B4GALNT3: variants seen among roughly 807,000 people sequenced by gnomAD.
B4GALNT3 encodes the protein beta-1,4-N-acetylgalactosaminyltransferase 3.
In B4GALNT3, 86 loss-of-function variants were observed where a neutral mutation model predicts 120.2. The ratio of observed to expected loss-of-function variants is 0.72; its 90% CI spans 0.60 to 0.86. The LOEUF (loss-of-function observed/expected upper bound fraction) is 0.86. Among genes scored for constraint, B4GALNT3 ranks in the 40% least tolerant of loss-of-function variants. The pLI, the probability that B4GALNT3 is intolerant of heterozygous loss-of-function variation, is 0.00. For missense variants in B4GALNT3, 1,167 were observed against 1,298.9 expected (o/e 0.90, Z 1.56); for synonymous variants, 518 against 510.4 (o/e 1.01, Z -0.20).
intron 17 of B4GALNT3, 141 bp from the exon 18 acceptor site, chr12:558,367 G>T: frequency 1.2e-6 from 1 of 834,006 alleles, no homozygotes. Context: ...TCAGCACTGT[G>T]GAACTCTGCC....
rs533908988 is a variant in B4GALNT3 at position 529,566 on chromosome 12, C to T, written c.170-5600C>T. 5.3e-5 allele frequency among the ~76,000 whole-genome samples: 8 copies of T among 152,352 alleles called. No homozygotes were observed. In the East Asian group the frequency reaches 7.7e-4, roughly 15 times the overall value. On this transcript the variant is annotated intron_variant, in intron 1 of 19. Coordinates refer to ENST00000266383, the MANE Select transcript of B4GALNT3 (RefSeq NM_173593.4). ...TGGAACAGATTCTGGAGATATATAT[C>T]GGGCTCCCTTGCCATTTACCATGAA...
intron 1 of B4GALNT3, among the ~76,000 whole-genome samples, chr12:503,987 C>T (rs1428537137): frequency 1.3e-5 from 2 of 151,970 alleles, no homozygotes; most frequent in African/African-American, 4.8e-5. Context: ...TGGTGGCACG[C>T]GCCTGTAGTC....
intron 1 of B4GALNT3, among the ~76,000 whole-genome samples, chr12:468,617 A>G (rs560308316): frequency 4.6e-5 from 7 of 152,204 alleles, no homozygotes; most frequent in African/African-American, 1.4e-4. Context: ...CATCCCTGCA[A>G]AGGTCTCACA....
At chr12:500,865 CTT>C (rs55927726) in intron 1 of B4GALNT3, among the ~76,000 whole-genome samples, 4 of 61,810 alleles carry the variant, frequency 6.5e-5, no homozygotes, top group Admixed American at 2.3e-4. Flanking sequence ...GGCTCCACTG[CTT>C]TTTTTTTTTT....
At chr12:511,485 T>TCCACCTTCCA in intron 1 of B4GALNT3, among the ~76,000 whole-genome samples, 1 of 104,162 alleles carries the variant, frequency 9.6e-6, no homozygotes, top group Non-Finnish European at 1.8e-5. Context: ...TCCACCTTCT[T>TCCACCTTCCA]CCACCTTCCA....
chr12:460,689 T>G lies in B4GALNT3; in HGVS notation c.169+144T>G. On this transcript the variant is annotated intron_variant, in intron 1 of 19. Coordinates refer to ENST00000266383, the MANE Select transcript of B4GALNT3 (RefSeq NM_173593.4). The surrounding 1 kb of genome is among the most constrained non-coding windows in gnomAD (Gnocchi z 8.0). Reference sequence around the variant, plus strand: ...CAGGTGCCCGGCGTCGCCCCGCGCGTACTCGGGGAGAGCTGCGGGCGGGGG... The same window carrying G: ...CAGGTGCCCGGCGTCGCCCCGCGCGGACTCGGGGAGAGCTGCGGGCGGGGG... The G allele has an allele frequency of 1.1e-6, 1 of 888,822 alleles. No homozygotes were observed. The highest frequency in any genetic ancestry group is 1.5e-6 in the Non-Finnish European group (1 of 671,928). The allele number at this position is 888,822 out of a possible 1,614,324, so 55.1% of individuals were successfully genotyped here.
intron 1 of B4GALNT3, among the ~76,000 whole-genome samples, chr12:481,363 C>T (rs59776971): frequency 0.03 from 4,531 of 152,324 alleles, 183 homozygotes; most frequent in South Asian, 0.098. Flanking sequence ...CTTTCCTTTC[C>T]TTGGTGTGCC....
At chr12:530,632 G>A (rs548738749) in intron 1 of B4GALNT3, among the ~76,000 whole-genome samples, 25 of 152,324 alleles carry the variant, frequency 1.6e-4, no homozygotes, top group African/African-American at 6.0e-4. Flanking sequence ...GGCCTTGAGC[G>A]GATGACTTTG....
At chr12:528,026 C>T (rs1297617076) in intron 1 of B4GALNT3, among the ~76,000 whole-genome samples, 3 of 151,680 alleles carry the variant, frequency 2.0e-5, no homozygotes, top group South Asian at 4.2e-4. Flanking sequence ...TACCTGACAC[C>T]GGGTGATAAG....
chr12:523,521 C>G (rs1592040265), intron 1 of B4GALNT3, among the ~76,000 whole-genome samples: 1 of 152,196 alleles, frequency 6.6e-6, no homozygotes, highest in Non-Finnish European at 1.5e-5. Flanking sequence ...CCCCGGAATA[C>G]TCTACCTGCA....
Position 561,838 on chromosome 12 carries a change from A to C in B4GALNT3, c.*387A>C, listed in dbSNP as rs984437267. Reference sequence around the variant, plus strand: ...AGCGCTGACCACCAGACCCTCTTCTAGTGGACATATTTTATTGGGGGGCGG... The same window carrying C: ...AGCGCTGACCACCAGACCCTCTTCTCGTGGACATATTTTATTGGGGGGCGG... On this transcript the variant is annotated 3_prime_UTR_variant, in exon 20 of 20. Transcript: ENST00000266383. The C allele has an allele frequency of 2.3e-5, 4 of 172,788 alleles. No individual in the cohort carries two copies. Among genetic ancestry groups the C allele is most frequent in the African/African-American group, 9.5e-5 (4 of 42,072 alleles). The allele number at this position is 172,788 out of a possible 1,614,324, so 10.7% of individuals were successfully genotyped here.
intron 3 of B4GALNT3, among the ~76,000 whole-genome samples, 177 bp from the exon 4 acceptor site, chr12:544,162 G>A (rs1479880332): frequency 7.4e-6 from 1 of 135,418 alleles, no homozygotes; most frequent in Non-Finnish European, 1.7e-5. Flanking sequence ...AGGATCTGGG[G>A]CGGGTGTGGG....
chr12:535,209 G>A lies in B4GALNT3; in HGVS notation c.213G>A (p.Arg71=). ...WRELAKALAS[R]NIPAVDPHLQ... ...AACTGGCCAAGGCTCTGGCCAGCAGGAACATTCCAGCTGTGGATCCACACC... is the reference window on the plus strand; with the variant it reads ...AACTGGCCAAGGCTCTGGCCAGCAGAAACATTCCAGCTGTGGATCCACACC... The change falls in exon 2 of 20, where the codon AGG becomes AGA. Residue 71 remains arginine (R), a synonymous_variant. Transcript: ENST00000266383. 6.2e-7 allele frequency: 1 copy of A among 1,613,856 alleles called. No individual in the cohort carries two copies. Among genetic ancestry groups the A allele is most frequent in the Non-Finnish European group, 8.5e-7 (1 of 1,179,948 alleles).
chr12:552,800 G>A (rs758539199), intron 13 of B4GALNT3: 24 of 531,130 alleles, frequency 4.5e-5, no homozygotes, highest in Non-Finnish European at 6.0e-5. Context: ...ACTGCTGGAG[G>A]GGCTTGCTGT....
At chr12:524,047 A>C (rs1177115802) in intron 1 of B4GALNT3, among the ~76,000 whole-genome samples, 1 of 152,174 alleles carries the variant, frequency 6.6e-6, no homozygotes, top group Non-Finnish European at 1.5e-5. Context: ...GGCGACGGTG[A>C]GAGACTCCAT....
chr12:519,943 C>T (rs1946690747), intron 1 of B4GALNT3, among the ~76,000 whole-genome samples: 1 of 152,166 alleles, frequency 6.6e-6, no homozygotes. Flanking sequence ...CAGCTTTCTA[C>T]CCTCTTGTTA....
chr12:525,772 C>A (rs544584689), intron 1 of B4GALNT3, among the ~76,000 whole-genome samples: 72 of 152,344 alleles, frequency 4.7e-4, no homozygotes, highest in African/African-American at 1.5e-3. Context: ...CCGTTCAGAG[C>A]ATCCATGGGC....
At chr12:526,129 G>A (rs759643089) in intron 1 of B4GALNT3, among the ~76,000 whole-genome samples, 104 of 152,254 alleles carry the variant, frequency 6.8e-4, no homozygotes, top group African/African-American at 2.4e-3. Context: ...ATGGATGTCC[G>A]TCCTAACTGC....
At chr12:487,708 A>C (rs1236077615) in intron 1 of B4GALNT3, among the ~76,000 whole-genome samples, 1 of 121,846 alleles carries the variant, frequency 8.2e-6, no homozygotes, top group East Asian at 2.2e-4. Context: ...GCGAGACTCT[A>C]TCTTGAAAAA....
Sources: allele counts gnomAD v4.1 joint callset (sites outside exome capture counted in the v4.1 genomes callset), GRCh38; gene constraint gnomAD v4.1.1; non-coding constraint Gnocchi (gnomAD v3.1); transcripts MANE v1.5; gene names NCBI Gene and HGNC (gene_info 2026-07-23, HGNC 2026-07-21).